The following TRPM6 variants were observed in gnomAD, a reference collection of about 807,000 sequenced individuals.
TRPM6 encodes channel kinase 2.
Under a neutral mutation model 247.6 loss-of-function variants are expected in TRPM6, and 111 were observed. The observed-to-expected ratio is 0.45, with a 90% CI of 0.38 to 0.52. The LOEUF (loss-of-function observed/expected upper bound fraction) is 0.52, where lower values mean the gene tolerates loss of function less well. TRPM6 is among the 20% of genes least tolerant of loss of function. TRPM6 has a pLI of 0.00. For synonymous variants in TRPM6, 892 were observed against 853.8 expected, an observed-to-expected ratio of 1.04 and a Z score of -0.78; for missense variants, 2,126 against 2,421.5, an observed-to-expected ratio of 0.88 and a Z score of 2.56.
At chr9:74,823,625 A>T (rs1312461942) in intron 7 of TRPM6, among the ~76,000 whole-genome samples, 1 of 152,200 alleles carries the variant, frequency 6.6e-6, no homozygotes. Flanking sequence ...CAACTAATAG[A>T]CATAGGGTTT....
At chr9:74,756,584 T>G (rs1826435050) in intron 27 of TRPM6, among the ~76,000 whole-genome samples, 1 of 150,854 alleles carries the variant, frequency 6.6e-6, no homozygotes, top group Non-Finnish European at 1.5e-5. Context: ...GGTTCACACT[T>G]GTAATTCCAG....
chr9:74,844,541 C>T (rs941805836), intron 3 of TRPM6, among the ~76,000 whole-genome samples: 1 of 152,210 alleles, frequency 6.6e-6, no homozygotes, highest in African/African-American at 2.4e-5. Context: ...TCTTTTGAAG[C>T]TTTCTCACCT....
At chr9:74,749,191 T>C (rs576104869) in intron 30 of TRPM6, among the ~76,000 whole-genome samples, 1 of 152,308 alleles carries the variant, frequency 6.6e-6, no homozygotes, top group African/African-American at 2.4e-5. Context: ...TGAAATCACC[T>C]AATGACACAT....
intron 28 of TRPM6, among the ~76,000 whole-genome samples, chr9:74,753,680 A>G (rs1404086064): frequency 6.6e-6 from 1 of 152,196 alleles, no homozygotes. Flanking sequence ...TGGGTGATGG[A>G]GCCAGACCCT....
intron 24 of TRPM6, among the ~76,000 whole-genome samples, chr9:74,773,019 C>G (rs529807218): frequency 2.0e-4 from 30 of 152,170 alleles, no homozygotes; most frequent in Admixed American, 5.2e-4. Flanking sequence ...CCCAGCTACT[C>G]AGGAGGCTGA....
Position 74,730,688 on chromosome 9 carries a change from T to C in TRPM6, c.5828+1997A>G, listed in dbSNP as rs941250963. 4.6e-5 allele frequency among the ~76,000 whole-genome samples: 7 copies of C among 152,318 alleles called. No individual in the cohort carries two copies. The Middle Eastern group carries it at 0.01, about 222-fold the overall frequency. ...GCATGTCTAACCATCTTCCCGGTGA[T>C]GCTGACCTTGTTGGTCCACGTCCCA... On this transcript the variant is annotated intron_variant, in intron 37 of 38. Transcript: ENST00000360774.
intron 3 of TRPM6, among the ~76,000 whole-genome samples, chr9:74,843,746 T>A (rs532776756): frequency 7.3e-6 from 1 of 137,130 alleles, no homozygotes; most frequent in Admixed American, 8.3e-5. Flanking sequence ...ACCCAGGAGG[T>A]GGAGCTTGCA....
intron 25 of TRPM6, among the ~76,000 whole-genome samples, chr9:74,771,056 ACCT>A (rs764927787): frequency 8.7e-4 from 131 of 150,852 alleles, no homozygotes; most frequent in Non-Finnish European, 9.5e-4. Context: ...CCCTCCATCT[ACCT>A]CCTCCTCCCC....
At chr9:74,793,046 A>T (rs1827964468) in intron 18 of TRPM6, among the ~76,000 whole-genome samples, 1 of 152,028 alleles carries the variant, frequency 6.6e-6, no homozygotes, top group South Asian at 2.1e-4. Flanking sequence ...AATCCCAACT[A>T]CTTGGGAGGC....
chr9:74,725,690 C>G (rs551623544), intron 38 of TRPM6, among the ~76,000 whole-genome samples: 1 of 152,110 alleles, frequency 6.6e-6, no homozygotes, highest in Non-Finnish European at 1.5e-5. Flanking sequence ...CCAGGTAAGA[C>G]GTGACTTGCT....
chr9:74,746,937 G>T (rs116670213), intron 31 of TRPM6, among the ~76,000 whole-genome samples: 1 of 152,068 alleles, frequency 6.6e-6, no homozygotes, highest in East Asian at 1.9e-4. Flanking sequence ...CAGCTTGCAC[G>T]AAGGAACAAG....
At chr9:74,834,283 T>C (rs1238147249) in intron 5 of TRPM6, among the ~76,000 whole-genome samples, 161 bp from the exon 6 acceptor site, 1 of 152,182 alleles carries the variant, frequency 6.6e-6, no homozygotes, top group Non-Finnish European at 1.5e-5. Flanking sequence ...TGGCTTCCTC[T>C]ATTCTTTCTA....
chr9:74,783,528 C>T (rs560124675), intron 21 of TRPM6, among the ~76,000 whole-genome samples: 1 of 152,284 alleles, frequency 6.6e-6, no homozygotes, highest in Non-Finnish European at 1.5e-5. Flanking sequence ...CTCTCACTCC[C>T]TACCATAGAC....
intron 36 of TRPM6, chr9:74,737,584 G>C: frequency 2.1e-6 from 1 of 483,934 alleles, no homozygotes; most frequent in Non-Finnish European, 3.5e-6. Context: ...GATGTCTTAA[G>C]AACAGCTTAA....
At chr9:74,774,960 AG>A (rs1827168305) in intron 24 of TRPM6, among the ~76,000 whole-genome samples, 1 of 152,234 alleles carries the variant, frequency 6.6e-6, no homozygotes, top group Non-Finnish European at 1.5e-5. Context: ...AATTGGGAAG[AG>A]GATTGCGCAT....
At chr9:74,750,917 G>A (rs1215712179) in intron 29 of TRPM6, among the ~76,000 whole-genome samples, 195 bp from the exon 30 acceptor site, 1 of 152,190 alleles carries the variant, frequency 6.6e-6, no homozygotes, top group African/African-American at 2.4e-5. Context: ...GAGTTACTCA[G>A]TGTGTTGATG....
chr9:74,837,757 T>A (rs1829780014), intron 5 of TRPM6, among the ~76,000 whole-genome samples: 1 of 151,016 alleles, frequency 6.6e-6, no homozygotes, highest in Non-Finnish European at 1.5e-5. Flanking sequence ...CCTTTTTTTT[T>A]TTTTTTTTTT....
At chr9:74,838,865 T>C (rs541553757) in intron 5 of TRPM6, among the ~76,000 whole-genome samples, 1 of 152,010 alleles carries the variant, frequency 6.6e-6, no homozygotes, top group South Asian at 2.1e-4. Flanking sequence ...ATCCCAGCAC[T>C]TTGGGAGGCC....
chr9:74,851,283 TA>T (rs1019648851), intron 3 of TRPM6, among the ~76,000 whole-genome samples: 178 of 151,356 alleles, frequency 1.2e-3, no homozygotes, highest in African/African-American at 4.0e-3. Flanking sequence ...GGAGGGGGGT[TA>T]AAAAAAATGT....
Sources: allele counts gnomAD v4.1 joint callset (sites outside exome capture counted in the v4.1 genomes callset), GRCh38; gene constraint gnomAD v4.1.1; transcripts MANE v1.5; gene names NCBI Gene and HGNC (gene_info 2026-07-23, HGNC 2026-07-21).